The following KCTD1 variants were observed in gnomAD, a reference collection of about 807,000 sequenced individuals.
The protein encoded by KCTD1 is BTB/POZ domain-containing protein KCTD1.
In KCTD1, 24 loss-of-function variants were observed where a neutral mutation model predicts 66.0. The ratio of observed to expected loss-of-function variants is 0.36; its 90% confidence interval spans 0.26 to 0.51. KCTD1 has a LOEUF of 0.51. KCTD1 is among the 20% of genes least tolerant of loss of function. KCTD1 has a pLI of 0.95. For synonymous variants in KCTD1, 511 were observed against 517.2 expected (o/e 0.99, Z 0.16); for missense variants, 943 against 1,205.2 (o/e 0.78, Z 3.22).
chr18:26,470,372 G>A (rs899654194), intron 3 of KCTD1, among the ~76,000 whole-genome samples: 31 of 152,228 alleles, frequency 2.0e-4, no homozygotes, highest in African/African-American at 7.0e-4. Flanking sequence ...CGTCTGACAA[G>A]GACAGAGTCT....
At chr18:26,635,487 T>C (rs1987704575) in intron 1 of KCTD1, among the ~76,000 whole-genome samples, 1 of 152,238 alleles carries the variant, frequency 6.6e-6, no homozygotes, top group African/African-American at 2.4e-5. Flanking sequence ...GAAAATCGCC[T>C]GGAACCTAAT....
chr18:26,485,296 G>GT (rs1447857646), intron 2 of KCTD1, among the ~76,000 whole-genome samples: 1 of 152,144 alleles, frequency 6.6e-6, no homozygotes, highest in Admixed American at 6.5e-5. Context: ...CTAATCAATG[G>GT]TAAGGCCAGA....
intron 1 of KCTD1, among the ~76,000 whole-genome samples, chr18:26,654,731 A>G (rs1285409962): frequency 6.6e-6 from 1 of 152,210 alleles, no homozygotes; most frequent in Admixed American, 6.5e-5. Flanking sequence ...TCTTCTTAAC[A>G]TAAGCCTAAC....
At chr18:26,549,370 A>T (rs1985449721), upstream of KCTD1, 1 of 985,344 alleles carries the variant, frequency 1.0e-6, no homozygotes, top group Non-Finnish European at 1.2e-6. Flanking sequence ...CAACAGCCAC[A>T]TTTAAGCTGT....
chr18:26,596,984 G>A (rs1221987252), intron 1 of KCTD1, among the ~76,000 whole-genome samples: 2 of 151,902 alleles, frequency 1.3e-5, no homozygotes, highest in East Asian at 3.9e-4. Flanking sequence ...AACACCACTA[G>A]AGCAGAGCCA....
At position 26,548,143 on chromosome 18, in the gene KCTD1, C is replaced by T. The variant is rs1567989605; in HGVS notation, c.394G>A (p.Glu132Lys). 1 of 1,344,466 alleles carries T rather than the reference C, an allele frequency of 7.4e-7. No individual in the cohort carries two copies. The highest frequency in any genetic ancestry group is 9.5e-7 in the Non-Finnish European group (1 of 1,054,208). The allele number at this position is 1,344,466 out of a possible 1,614,324, so 83.3% of individuals were successfully genotyped here. ...AGCAGTCGCGGCGGCGCCTCGGGCTCCAGCGCGGCGCTCTGGTCCATATTG... is the reference window on the plus strand; with the variant it reads ...AGCAGTCGCGGCGGCGCCTCGGGCTTCAGCGCGGCGCTCTGGTCCATATTG... The part of the protein sequence containing the change: ...MINMDQSAAL[E>K]PEAPPRLLAP... The change falls in exon 1 of 5, where the codon GAG (glutamate) becomes AAG (lysine). Residue 132 changes from glutamate to lysine, a missense_variant. Physicochemically the swap from Glu to Lys is moderately conservative, Grantham distance 56. Coordinates refer to ENST00000580059, the MANE Select transcript of KCTD1 (RefSeq NM_001142730.3).
intron 2 of KCTD1, among the ~76,000 whole-genome samples, chr18:26,497,256 C>T (rs1982525797): frequency 6.6e-6 from 1 of 152,042 alleles, no homozygotes; most frequent in Admixed American, 6.6e-5. Context: ...ACAGGTCTTT[C>T]CCTTGAAATC....
chr18:26,656,060 G>C (rs1020184444), intron 1 of KCTD1, among the ~76,000 whole-genome samples: 1 of 152,064 alleles, frequency 6.6e-6, no homozygotes, highest in Non-Finnish European at 1.5e-5. Context: ...GGCAGTTGGG[G>C]GGGCGGAGGA....
chr18:26,463,256 G>T (rs930687491), intron 3 of KCTD1, among the ~76,000 whole-genome samples: 1 of 152,100 alleles, frequency 6.6e-6, no homozygotes, highest in Non-Finnish European at 1.5e-5. Flanking sequence ...AGGAGTTCAA[G>T]ACCAGCCTGG....
chr18:26,573,075 G>A (rs1986146937), intron 1 of KCTD1, among the ~76,000 whole-genome samples: 1 of 151,412 alleles, frequency 6.6e-6, no homozygotes, highest in Non-Finnish European at 1.5e-5. Context: ...AGGCTGGAGT[G>A]CAATGGCAAT....
rs1466979624 is a variant in KCTD1 at position 26,547,140 on chromosome 18, C to T, written c.1397G>A (p.Gly466Asp). 1 of 1,550,774 alleles carries T rather than the reference C, an allele frequency of 6.4e-7. No homozygotes were observed. Among genetic ancestry groups the T allele is most frequent in the Non-Finnish European group, 8.7e-7 (1 of 1,146,960 alleles). ...VSIATLNSIA[G>D]IGTKLGSPAP... ...GGGCGAGCCCAGCTTGGTGCCAATGCCCGCGATGCTGTTGAGCGTGGCGAT... is the reference window on the plus strand; with the variant it reads ...GGGCGAGCCCAGCTTGGTGCCAATGTCCGCGATGCTGTTGAGCGTGGCGAT... Residue 466 changes from glycine to aspartate, a missense_variant, in exon 1 of 5, where the codon GGC (glycine) becomes GAC (aspartate). Gly to Asp is a moderately conservative substitution (Grantham distance 94). This residue lies in a region of KCTD1 where 79 missense variants were observed against 133.9 expected (regional missense o/e 0.59). Coordinates refer to ENST00000580059, the MANE Select transcript of KCTD1 (RefSeq NM_001142730.3).
chr18:26,593,432 G>GGAGGAGGAAGACAAGGAGGAT (rs1450973406), intron 1 of KCTD1, among the ~76,000 whole-genome samples: 2 of 148,440 alleles, frequency 1.3e-5, no homozygotes, highest in African/African-American at 2.5e-5. Flanking sequence ...AAGATGAGGA[G>GGAGGAGGAAGACAAGGAGGAT]GAGGAGGAAG....
chr18:26,615,227 C>A (rs1047961405), intron 1 of KCTD1, among the ~76,000 whole-genome samples: 2 of 152,210 alleles, frequency 1.3e-5, no homozygotes, highest in African/African-American at 4.8e-5. Flanking sequence ...GCTCAGCAGA[C>A]TGAATGACTG....
intron 1 of KCTD1, chr18:26,565,704 G>A (rs1212408658): frequency 6.6e-6 from 1 of 151,152 alleles, no homozygotes; most frequent in Non-Finnish European, 1.5e-5. Context: ...CCTGTGGGAT[G>A]TTGAGGAGTT....
At chr18:26,604,880 G>A (rs1986977379) in intron 1 of KCTD1, among the ~76,000 whole-genome samples, 1 of 152,002 alleles carries the variant, frequency 6.6e-6, no homozygotes, top group African/African-American at 2.4e-5. Flanking sequence ...ATATATCCCT[G>A]AACCTAAAAT....
chr18:26,462,348 C>CCT (rs1157058012), intron 3 of KCTD1, among the ~76,000 whole-genome samples: 1 of 152,210 alleles, frequency 6.6e-6, no homozygotes, highest in African/African-American at 2.4e-5. Flanking sequence ...GTCTCATGGG[C>CCT]CTAGCGCTGA....
intron 1 of KCTD1, among the ~76,000 whole-genome samples, chr18:26,628,825 CAG>C (rs755739333): frequency 6.6e-6 from 1 of 152,200 alleles, no homozygotes; most frequent in Non-Finnish European, 1.5e-5. Context: ...ACCAGAACTG[CAG>C]AGTCTATGCT....
In KCTD1 at chr18:26,546,976, G is replaced by C; in HGVS notation, c.1561C>G (p.Gln521Glu). 2 of 1,479,474 alleles carry C rather than the reference G, an allele frequency of 1.4e-6. No homozygotes were observed. The highest frequency in any genetic ancestry group is 1.8e-6 in the Non-Finnish European group (2 of 1,110,312). 91.6% of individuals were successfully genotyped at this position (1,479,474 alleles called of 1,614,324 possible). ...GNTYILPKDS[Q>E]VGPDVKSEAA... ...TCGGATTTCACGTCGGGCCCGACCT[G>C]GCTGTCTTTGGGGAGGATGTAAGTG... The change falls in exon 1 of 5, where the codon CAG (glutamine) becomes GAG (glutamate). Residue 521 changes from glutamine to glutamate, a missense_variant. By Grantham distance (29) the Gln-to-Glu change is conservative (BLOSUM62 2). This residue lies in a region of KCTD1 where 197 missense variants were observed against 182.7 expected (regional missense o/e 1.08). Transcript: ENST00000580059.
intron 3 of KCTD1, among the ~76,000 whole-genome samples, chr18:26,462,963 C>T (rs1204652533): frequency 6.6e-6 from 1 of 152,106 alleles, no homozygotes; most frequent in Non-Finnish European, 1.5e-5. Context: ...TCTCTTGTTT[C>T]CAAGGTACTT....
Sources: allele counts gnomAD v4.1 joint callset (sites outside exome capture counted in the v4.1 genomes callset), GRCh38; gene constraint gnomAD v4.1.1; regional missense constraint gnomAD v4.1.1; transcripts MANE v1.5; gene names NCBI Gene and HGNC (gene_info 2026-07-23, HGNC 2026-07-21).